The following SYN3 variants were observed in gnomAD, a reference collection of about 807,000 sequenced individuals.
SYN3 encodes synapsin-3.
SYN3 carries 35 observed loss-of-function variants against 65.8 expected under a neutral mutation model. The observed-to-expected ratio is 0.53, with a 90% CI of 0.41 to 0.70. SYN3 has a LOEUF of 0.70. Ranked by LOEUF, SYN3 falls within the 30% of genes least tolerant of loss-of-function variation. The pLI, the probability that SYN3 is intolerant of heterozygous loss-of-function variation, is 0.00. For synonymous variants in SYN3, 270 were observed against 292.9 expected, an observed-to-expected ratio of 0.92 and a Z score of 0.80; for missense variants, 680 against 749.0, an observed-to-expected ratio of 0.91 and a Z score of 1.08.
chr22:32,835,295 G>A (rs990913088), intron 6 of SYN3, among the ~76,000 whole-genome samples: 4 of 152,156 alleles, frequency 2.6e-5, no homozygotes, highest in Non-Finnish European at 4.4e-5. Flanking sequence ...GAGATGTTGC[G>A]GTTAGATACA....
rs545929314 is a variant in SYN3, at chr22:32,541,910, T to C, written c.775-197A>G. Among the ~76,000 whole-genome samples the C allele has an allele frequency of 3.3e-5, 5 of 152,160 alleles. 1 individual carries two copies. The highest frequency in any genetic ancestry group is 3.3e-4 in the Admixed American group (5 of 15,288). Reference sequence around the variant, plus strand: ...GCAGAGAGGAAGGGAGTGATTCTGCTTGGGTGGTCAAGAAAGCTTTACAGA... The same window carrying C: ...GCAGAGAGGAAGGGAGTGATTCTGCCTGGGTGGTCAAGAAAGCTTTACAGA... On this transcript the variant is annotated intron_variant, in intron 7 of 13. Coordinates refer to ENST00000358763, the MANE Select transcript of SYN3 (RefSeq NM_003490.4).
At chr22:32,937,357 A>G (rs1013029567) in intron 3 of SYN3, among the ~76,000 whole-genome samples, 1 of 152,244 alleles carries the variant, frequency 6.6e-6, no homozygotes, top group Non-Finnish European at 1.5e-5. Flanking sequence ...CAGATTAGAC[A>G]CTTGTATCAG....
chr22:33,022,704 T>C (rs1385089092), intron 1 of SYN3, among the ~76,000 whole-genome samples: 1 of 152,184 alleles, frequency 6.6e-6, no homozygotes, highest in East Asian at 1.9e-4. Context: ...CAGGAAATTT[T>C]GTGGGAGAGG....
chr22:32,761,384 G>C (rs2045476541), intron 6 of SYN3, among the ~76,000 whole-genome samples: 1 of 152,206 alleles, frequency 6.6e-6, no homozygotes, highest in South Asian at 2.1e-4. Context: ...CGTGAGTCAC[G>C]AGAAGGGGTG....
At chr22:32,867,508 C>G (rs1476427544) in intron 5 of SYN3, among the ~76,000 whole-genome samples, 3 of 152,130 alleles carry the variant, frequency 2.0e-5, no homozygotes, top group Non-Finnish European at 4.4e-5. Context: ...ATAAATTTAT[C>G]ATTCTAGGTG....
intron 6 of SYN3, among the ~76,000 whole-genome samples, chr22:32,811,833 G>A (rs1299191008): frequency 6.6e-6 from 1 of 152,204 alleles, no homozygotes; most frequent in Non-Finnish European, 1.5e-5. Flanking sequence ...TCAAGGATCT[G>A]GTGCTGCCCT....
At chr22:32,593,308 C>A (rs759475825) in intron 7 of SYN3, among the ~76,000 whole-genome samples, 4 of 147,680 alleles carry the variant, frequency 2.7e-5, no homozygotes, top group African/African-American at 7.7e-5. Flanking sequence ...GGAGGCCCTT[C>A]TGGACCTGAG....
At chr22:32,616,928 A>G (rs1160670047) in intron 6 of SYN3, among the ~76,000 whole-genome samples, 1 of 152,146 alleles carries the variant, frequency 6.6e-6, no homozygotes, top group Non-Finnish European at 1.5e-5. Context: ...GTGGCCACAA[A>G]GGACACAAGG....
chr22:32,736,233 C>T (rs1027841494), intron 6 of SYN3, among the ~76,000 whole-genome samples: 4 of 152,190 alleles, frequency 2.6e-5, no homozygotes, highest in African/African-American at 4.8e-5. Flanking sequence ...CTAACATCCA[C>T]GAAATTCCCT....
intron 6 of SYN3, among the ~76,000 whole-genome samples, chr22:32,799,733 G>A (rs1285798526): frequency 6.6e-6 from 1 of 152,138 alleles, no homozygotes; most frequent in African/African-American, 2.4e-5. Context: ...GATCCTTAGA[G>A]TGGCCTCCAG....
intron 6 of SYN3, among the ~76,000 whole-genome samples, chr22:32,828,947 C>T (rs183296432): frequency 6.6e-6 from 1 of 152,210 alleles, no homozygotes; most frequent in East Asian, 1.9e-4. Context: ...AGACAAAAAA[C>T]AAGGATCTTG....
At chr22:33,056,572 G>A (rs1402872272) in intron 1 of SYN3, among the ~76,000 whole-genome samples, 1 of 152,214 alleles carries the variant, frequency 6.6e-6, no homozygotes, top group Non-Finnish European at 1.5e-5. Context: ...TCATGGGAGG[G>A]ATTGAGACCT....
intron 6 of SYN3, chr22:32,859,685 G>C: frequency 6.9e-5 from 23 of 332,172 alleles, no homozygotes; most frequent in Middle Eastern, 9.1e-4. Flanking sequence ...ATTTTTTTAG[G>C]AAAACAAAAA....
chr22:32,661,645 A>G (rs2147006364), intron 6 of SYN3, among the ~76,000 whole-genome samples: 1 of 152,274 alleles, frequency 6.6e-6, no homozygotes, highest in South Asian at 2.1e-4. Context: ...AATAAGATGG[A>G]GAGGGAACAG....
At chr22:32,628,373 A>C (rs954904100) in intron 6 of SYN3, among the ~76,000 whole-genome samples, 4 of 152,100 alleles carry the variant, frequency 2.6e-5, no homozygotes, top group African/African-American at 9.7e-5. Context: ...ACTGGAAGTG[A>C]GGGGAGATGA....
intron 10 of SYN3, among the ~76,000 whole-genome samples, chr22:32,531,983 C>T (rs1436282676): frequency 6.6e-6 from 1 of 151,830 alleles, no homozygotes; most frequent in Non-Finnish European, 1.5e-5. Flanking sequence ...AGCCTGAGCC[C>T]ATGAACACAG....
chr22:32,840,065 G>A (rs556974148), intron 6 of SYN3, among the ~76,000 whole-genome samples: 2 of 152,198 alleles, frequency 1.3e-5, no homozygotes, highest in South Asian at 4.2e-4. Context: ...CGGAACACAA[G>A]GCAGGTACTG....
intron 1 of SYN3, among the ~76,000 whole-genome samples, chr22:33,041,871 G>A (rs1339128947): frequency 6.6e-6 from 1 of 152,098 alleles, no homozygotes; most frequent in East Asian, 1.9e-4. Context: ...CCCTGCCAAA[G>A]GAAAGCTCAA....
At chr22:32,986,091 T>C (rs1214999626) in intron 2 of SYN3, among the ~76,000 whole-genome samples, 1 of 152,218 alleles carries the variant, frequency 6.6e-6, no homozygotes, top group East Asian at 1.9e-4. Context: ...ATGCTCACTG[T>C]GTCTCCAGTA....
Sources: allele counts gnomAD v4.1 joint callset (sites outside exome capture counted in the v4.1 genomes callset), GRCh38; gene constraint gnomAD v4.1.1; transcripts MANE v1.5; gene names NCBI Gene and HGNC (gene_info 2026-07-23, HGNC 2026-07-21).